Variants in BOD1L1 observed in about 807,000 individuals in gnomAD.
The protein encoded by BOD1L1 is biorientation of chromosomes in cell division protein 1-like 1.
BOD1L1 carries 86 observed loss-of-function variants against 240.7 expected under a neutral mutation model. That is an observed-to-expected ratio of 0.36 (90% CI 0.30 to 0.43). The LOEUF is 0.43. BOD1L1 is among the 20% of genes least tolerant of loss of function. The pLI is 1.00. For missense variants in BOD1L1, 3,554 were observed against 3,643.5 expected (o/e 0.98, Z 0.63); for synonymous variants, 1,268 against 1,272.3 (o/e 1.00, Z 0.07).
chr4:13,599,021 T>C lies in BOD1L1; in HGVS notation c.7879A>G (p.Ser2627Gly), dbSNP rs771998946. The part of the protein sequence containing the change: ...ASAEKTGDDN[S>G]TRKSFPEEGD... ...TCCTCAGGGAATGATTTCCTTGTGC[T>C]GTTATCATCTCCTGTTTTCTCAGCA... The change falls in exon 10 of 26, where the codon AGC becomes GGC. Residue 2627 changes from serine (S) to glycine (G), a missense_variant. Around this residue, in one of 2 missense-constraint regions of BOD1L1, gnomAD observed 3,393 missense variants for 3,427.1 expected, o/e 0.99. Transcript: ENST00000040738. 2 of 1,613,890 alleles carry C rather than the reference T, an allele frequency of 1.2e-6. No individual in the cohort carries two copies. The highest frequency in any genetic ancestry group is 2.2e-5 in the East Asian group (1 of 44,898).
In BOD1L1 at chr4:13,614,726, G is replaced by C. The variant is rs1426356657; in HGVS notation, c.644C>G (p.Ala215Gly). The C allele has an allele frequency of 6.2e-7, 1 of 1,613,858 alleles. No individual in the cohort carries two copies. Among genetic ancestry groups the C allele is most frequent in the Non-Finnish European group, 8.5e-7 (1 of 1,179,836 alleles). Residue 215 changes from alanine (A) to glycine (G), a missense_variant, in exon 4 of 26, where the codon GCC becomes GGC. This residue lies in a region of BOD1L1 where 3,393 missense variants were observed against 3,427.1 expected (regional missense o/e 0.99). Transcript: ENST00000040738. ...TTCTGTTGAAGCCCTAGCAGCACTG[G>C]CTTCTTGGTTAAGAGAAGTTATGGT... ...LETITSLNQE[A>G]SAARASTETS... is the part of the protein sequence containing the mutation.
At chr4:13,622,284 A>G (rs1014372257) in intron 1 of BOD1L1, among the ~76,000 whole-genome samples, 1 of 152,170 alleles carries the variant, frequency 6.6e-6, no homozygotes. Context: ...TTGGCATTCT[A>G]GTCTAGTCTT....
chr4:13,626,882 C>T (rs997647921), intron 1 of BOD1L1, among the ~76,000 whole-genome samples: 1 of 152,162 alleles, frequency 6.6e-6, no homozygotes, highest in Admixed American at 6.5e-5. Context: ...CTTATCTTTG[C>T]GCTCCCACCC....
At position 13,600,335 on chromosome 4, in the gene BOD1L1, C is replaced by T. The variant is rs200701983; in HGVS notation, c.6565G>A (p.Asp2189Asn). The T allele has an allele frequency of 1.3e-4, 206 of 1,614,040 alleles. 1 individual carries two copies. The highest frequency in any genetic ancestry group is 1.2e-4 in the Non-Finnish European group (144 of 1,179,894). ...GCACTGGGCATAGGCCCCTCAAAGT[C>T]GGCGGTGCTTATCAAGACTGGACCT... ...ATGPVLISTA[D>N]FEGPMPSAPP... The change falls in exon 10 of 26, where the codon GAC (aspartate) becomes AAC (asparagine). Residue 2189 changes from aspartate to asparagine, a missense_variant. Asp to Asn is a conservative substitution (Grantham distance 23). This residue lies in a region of BOD1L1 where 3,393 missense variants were observed against 3,427.1 expected (regional missense o/e 0.99). Transcript: ENST00000040738.
At chr4:13,607,322 G>T in intron 8 of BOD1L1, 133 bp from the exon 9 acceptor site, 1 of 327,686 alleles carries the variant, frequency 3.1e-6, no homozygotes, top group Non-Finnish European at 4.9e-6. Context: ...TTTTTGAGGT[G>T]GAGTCTTGCT....
intron 10 of BOD1L1, among the ~76,000 whole-genome samples, chr4:13,597,949 T>C (rs576924986): frequency 7.2e-5 from 11 of 152,360 alleles, no homozygotes; most frequent in African/African-American, 2.6e-4. Context: ...CTAAGGTCTA[T>C]TTCAGTTAAA....
intron 9 of BOD1L1, among the ~76,000 whole-genome samples, chr4:13,606,378 A>C (rs1186594185): frequency 6.6e-6 from 1 of 152,222 alleles, no homozygotes; most frequent in Admixed American, 6.5e-5. Context: ...ATGTTTGCTG[A>C]TGATGAACAA....
In BOD1L1 at chr4:13,627,453, A is replaced by ACCCGCGCCGCCCGCCCCG; in HGVS notation, c.117_134dup (p.Gly40_Gly45dup). 1.7e-6 allele frequency: 2 copies of ACCCGCGCCGCCCGCCCCG among 1,192,650 alleles called. No individual in the cohort carries two copies. Among genetic ancestry groups the ACCCGCGCCGCCCGCCCCG allele is most frequent in the South Asian group, 2.7e-5 (1 of 37,546 alleles). The allele number at this position is 1,192,650 out of a possible 1,614,324, so 73.9% of individuals were successfully genotyped here. A position where few individuals can be genotyped will look rare whatever the true frequency, so the allele number is the denominator to read the frequency against. On this transcript the variant is annotated inframe_insertion, in exon 1 of 26. Transcript: ENST00000040738. ...CGAGCTGCGGGTCCCCGGCGCCCGC[A>ACCCGCGCCGCCCGCCCCG]CCCGCGCCGCCCGCCCCGCCCGCGC... is the stretch of plus-strand genomic sequence containing the variant.
chr4:13,622,101 G>A (rs1168178094), intron 1 of BOD1L1, among the ~76,000 whole-genome samples: 1 of 152,064 alleles, frequency 6.6e-6, no homozygotes, highest in East Asian at 1.9e-4. Flanking sequence ...CTAACCTCAA[G>A]TGATCCACCT....
chr4:13,593,281 T>C (rs1022087731), intron 12 of BOD1L1: 11 of 152,162 alleles, frequency 7.2e-5, no homozygotes, highest in African/African-American at 2.4e-4. Flanking sequence ...CATGTAGTGA[T>C]ATGCATTATG....
chr4:13,597,944 G>T (rs1233403902), intron 10 of BOD1L1, among the ~76,000 whole-genome samples: 3 of 152,180 alleles, frequency 2.0e-5, no homozygotes, highest in Non-Finnish European at 4.4e-5. Flanking sequence ...GATGGCTAAG[G>T]TCTATTTCAG....
At position 13,614,773 on chromosome 4, in the gene BOD1L1, A is replaced by G; in HGVS notation, c.597T>C (p.Asn199=). The change falls in exon 4 of 26, where the codon AAT becomes AAC. Residue 199 remains asparagine (N), a synonymous_variant. Transcript: ENST00000040738. ...PTPGPSANVA[N]DAMSILETIT... ...TGGTTTCCAATATCGACATGGCATC[A>G]TTGGCTACATTAGCACTGGGCCCAG... is the stretch of plus-strand genomic sequence containing the variant. 1.2e-6 allele frequency: 2 copies of G among 1,613,678 alleles called. No individual in the cohort carries two copies. The highest frequency in any genetic ancestry group is 1.7e-6 in the Non-Finnish European group (2 of 1,179,762).
At position 13,577,627 on chromosome 4, in the gene BOD1L1, T is replaced by C. The variant is rs1042325283; in HGVS notation, c.8754A>G (p.Glu2918=). The part of the protein sequence containing the change: ...SSKLKVMQTD[E]SNKETANLQE... ...GTAGGTTAGCTGTTTCTTTATTGGATTCATCTTTAAGAAAAGGGAAATCTC... is the reference window on the plus strand; with the variant it reads ...GTAGGTTAGCTGTTTCTTTATTGGACTCATCTTTAAGAAAAGGGAAATCTC... Residue 2918 remains glutamate (E), a synonymous_variant, in exon 23 of 26, where the codon GAA becomes GAG. Coordinates refer to ENST00000040738, the MANE Select transcript of BOD1L1 (RefSeq NM_148894.3). 6.4e-7 allele frequency: 1 copy of C among 1,552,392 alleles called. No individual in the cohort carries two copies. Among genetic ancestry groups the C allele is most frequent in the African/African-American group, 1.4e-5 (1 of 73,610 alleles).
chr4:13,603,847 T>G lies in BOD1L1; in HGVS notation c.3053A>C (p.Asp1018Ala). The G allele has an allele frequency of 1.9e-6, 3 of 1,613,512 alleles. No homozygotes were observed. The highest frequency in any genetic ancestry group is 2.5e-6 in the Non-Finnish European group (3 of 1,179,880). ...CTTTAAGCTTCTGCTTTTGTGGCCATCTGACAACTTTCTCTCAAGCCTGGT... is the reference window on the plus strand; with the variant it reads ...CTTTAAGCTTCTGCTTTTGTGGCCAGCTGACAACTTTCTCTCAAGCCTGGT... ...TSTRLERKLSDGHKSRSLKHS... is the reference protein window; with the variant it reads ...TSTRLERKLSAGHKSRSLKHS... Residue 1018 changes from aspartate to alanine, a missense_variant, in exon 10 of 26, where the codon GAT becomes GCT. By Grantham distance (126) the Asp-to-Ala change is moderately radical (BLOSUM62 -2). Around this residue, in one of 2 missense-constraint regions of BOD1L1, gnomAD observed 3,393 missense variants for 3,427.1 expected, o/e 0.99. Transcript: ENST00000040738.
chr4:13,598,145 G>A (rs1453059678), intron 10 of BOD1L1, among the ~76,000 whole-genome samples: 1 of 152,198 alleles, frequency 6.6e-6, no homozygotes, highest in Admixed American at 6.5e-5. Context: ...AGTATCTGAA[G>A]TTGGACGGTA....
In BOD1L1 at chr4:13,587,674, AAAACAG is replaced by A. The variant is rs1713815646; in HGVS notation, c.8353+19_8353+24del. On this transcript the variant is annotated intron_variant, in intron 16 of 25. Transcript: ENST00000040738. The stretch of plus-strand genomic sequence containing the variant: ...AAAATAATGATTTTCAAAGATGTCT[AAAACAG>A]AAACATAAATATAAATACCTGGTTC... The A allele has an allele frequency of 1.3e-6, 2 of 1,494,564 alleles. No homozygotes were observed. Among genetic ancestry groups the A allele is most frequent in the African/African-American group, 2.8e-5 (2 of 71,430 alleles). 92.6% of individuals were successfully genotyped at this position (1,494,564 alleles called of 1,614,324 possible).
At chr4:13,580,865 C>T (rs778029450) in intron 21 of BOD1L1, among the ~76,000 whole-genome samples, 155 bp downstream of exon 21, 10 of 152,082 alleles carry the variant, frequency 6.6e-5, no homozygotes, top group Non-Finnish European at 1.3e-4. Flanking sequence ...TCTGTTTACA[C>T]AAAGATACTA....
At position 13,604,904 on chromosome 4, in the gene BOD1L1, C is replaced by T. The variant is rs375354193; in HGVS notation, c.1996G>A (p.Gly666Arg). 41 of 1,613,236 alleles carry T rather than the reference C, an allele frequency of 2.5e-5. No individual in the cohort carries two copies. The highest frequency in any genetic ancestry group is 3.5e-5 in the Non-Finnish European group (41 of 1,179,742). Residue 666 changes from glycine (G) to arginine (R), a missense_variant, in exon 10 of 26, where the codon GGG (glycine) becomes AGG (arginine). Gly to Arg is a moderately radical substitution (Grantham distance 125). Coordinates refer to ENST00000040738, the MANE Select transcript of BOD1L1 (RefSeq NM_148894.3). ...RRTSTPVIME[G>R]VQEETDTRDV... ...CTTGTGTCAGTCTCTTCCTGTACCC[C>T]CTCCATGATAACAGGGGTAGATGTC...
Position 13,576,980 on chromosome 4 carries a change from G to C in BOD1L1, c.8896C>G (p.Pro2966Ala). The C allele has an allele frequency of 6.2e-7, 1 of 1,613,730 alleles. No individual in the cohort carries two copies. Among genetic ancestry groups the C allele is most frequent in the Non-Finnish European group, 8.5e-7 (1 of 1,179,812 alleles). The change falls in exon 25 of 26, where the codon CCA becomes GCA. Residue 2966 changes from proline (P) to alanine (A), a missense_variant. Pro to Ala is a conservative substitution (Grantham distance 27). Around this residue, in one of 2 missense-constraint regions of BOD1L1, gnomAD observed 3,393 missense variants for 3,427.1 expected, o/e 0.99. Transcript: ENST00000040738. ...ACTGATTTCTGGCGTTTTCTTTCTGGCTCTGAGGATTCTGTTCAAATAGAA... is the reference window on the plus strand; with the variant it reads ...ACTGATTTCTGGCGTTTTCTTTCTGCCTCTGAGGATTCTGTTCAAATAGAA... ...TVSDDAESSE[P>A]ERKRQKSVSD...
Sources: gnomAD v4.1 joint callset for allele counts (sites outside exome capture counted in the v4.1 genomes callset) on GRCh38, gnomAD v4.1.1 for gene constraint, gnomAD v4.1.1 regional missense constraint, MANE v1.5 for transcripts, NCBI Gene and HGNC (gene_info 2026-07-23, HGNC 2026-07-21) for gene names.